Variants in ASB1 observed in about 807,000 individuals in gnomAD.
The protein encoded by ASB1 is ankyrin repeat and SOCS box containing 1.
A neutral mutation model predicts 27.7 loss-of-function variants in ASB1; 18 were observed. That is an observed-to-expected ratio of 0.65 (90% confidence interval 0.45 to 0.96). The LOEUF is 0.96. ASB1 is among the 50% of genes least tolerant of loss of function. The pLI is 0.00. For missense variants in ASB1, 397 were observed against 451.7 expected, an observed-to-expected ratio of 0.88 and a Z score of 1.10; for synonymous variants, 189 against 187.6, an observed-to-expected ratio of 1.01 and a Z score of -0.06.
intron 3 of ASB1, among the ~76,000 whole-genome samples, chr2:238,436,956 A>G (rs914992659): frequency 3.3e-5 from 5 of 152,182 alleles, no homozygotes; most frequent in African/African-American, 4.8e-5. Context: ...CTCTATCAAA[A>G]CAAGAGTACT....
intron 3 of ASB1, among the ~76,000 whole-genome samples, chr2:238,436,774 C>CT (rs66960467): frequency 3.5e-4 from 51 of 147,070 alleles, no homozygotes; most frequent in African/African-American, 7.2e-4. Flanking sequence ...CTCTCTCTCT[C>CT]TTTTTTTTTT....
intron 3 of ASB1, among the ~76,000 whole-genome samples, chr2:238,438,261 G>A (rs1376740440): frequency 2.9e-5 from 4 of 140,176 alleles, no homozygotes; most frequent in African/African-American, 8.0e-5. Context: ...GTGCAGTGGC[G>A]CTATCTCGGT....
chr2:238,430,790 A>G (rs1041716290), intron 1 of ASB1, among the ~76,000 whole-genome samples: 15 of 152,380 alleles, frequency 9.8e-5, no homozygotes, highest in Admixed American at 9.1e-4. Context: ...TGAATCTTGT[A>G]CATCTCCATG....
chr2:238,444,301 C>A lies in ASB1; in HGVS notation c.495-41C>A. 3 of 1,556,866 alleles carry A rather than the reference C, an allele frequency of 1.9e-6. No homozygotes were observed. In the South Asian group the frequency reaches 3.7e-5, roughly 19 times the overall value. On this transcript the variant is annotated intron_variant, in intron 3 of 4. Transcript: ENST00000264607. ...ATCTGTGGGATCTGTGGGCTGTGGT[C>A]AGTCCCCTGCACAGTCTGACTTTCC... is the stretch of plus-strand genomic sequence containing the variant.
In ASB1 at chr2:238,427,069, C is replaced by T. The variant is rs1701769046; in HGVS notation, c.-2C>T. On this transcript the variant is annotated 5_prime_UTR_variant, in exon 1 of 5. Coordinates refer to ENST00000264607, the MANE Select transcript of ASB1 (RefSeq NM_001040445.3). ...GGGGCGGCCGCGGAGGCGGAAGCATCCATGGCGGAGGGCGGCAGCCCAGAC... is the reference window on the plus strand; with the variant it reads ...GGGGCGGCCGCGGAGGCGGAAGCATTCATGGCGGAGGGCGGCAGCCCAGAC... 4.7e-6 allele frequency: 6 copies of T among 1,263,406 alleles called. No individual in the cohort carries two copies. The highest frequency in any genetic ancestry group is 5.0e-6 in the Non-Finnish European group (5 of 1,005,450). 78.3% of individuals were successfully genotyped at this position (1,263,406 alleles called of 1,614,324 possible). A position where few individuals can be genotyped will look rare whatever the true frequency, so the allele number is the denominator to read the frequency against.
At chr2:238,441,767 A>G (rs1001052652) in intron 3 of ASB1, among the ~76,000 whole-genome samples, 12 of 152,184 alleles carry the variant, frequency 7.9e-5, no homozygotes, top group African/African-American at 2.7e-4. Context: ...GCTGTTAGGG[A>G]TGGTGCTTTA....
intron 3 of ASB1, among the ~76,000 whole-genome samples, chr2:238,442,881 G>A (rs1301253816): frequency 6.6e-6 from 1 of 152,112 alleles, no homozygotes; most frequent in South Asian, 2.1e-4. Context: ...AAGATTTTCT[G>A]TAAAGTTCCA....
chr2:238,435,870 G>A lies in ASB1; in HGVS notation c.351G>A (p.Val117=), dbSNP rs1167910867. ...TAAAAGGACAGACGGCCCTGTATGTGGCTGTGGTGAACGGGCACCTAGAGA... is the reference window on the plus strand; with the variant it reads ...TAAAAGGACAGACGGCCCTGTATGTAGCTGTGGTGAACGGGCACCTAGAGA... The part of the protein sequence containing the change: ...VDVKGQTALY[V]AVVNGHLEST... The change falls in exon 3 of 5, where the codon GTG becomes GTA. Residue 117 remains valine (V), a synonymous_variant. Coordinates refer to ENST00000264607, the MANE Select transcript of ASB1 (RefSeq NM_001040445.3). The A allele has an allele frequency of 6.2e-7, 1 of 1,614,260 alleles. No homozygotes were observed. The highest frequency in any genetic ancestry group is 1.7e-5 in the Admixed American group (1 of 60,038).
At chr2:238,433,812 G>GT (rs1423364554) in intron 2 of ASB1, 117 bp downstream of exon 2, 1 of 1,239,322 alleles carries the variant, frequency 8.1e-7, no homozygotes, top group African/African-American at 1.5e-5. Flanking sequence ...ATGTGTTCCA[G>GT]TTTTAGAGGA....
At chr2:238,438,301 A>G (rs900307826) in intron 3 of ASB1, among the ~76,000 whole-genome samples, 3 of 142,508 alleles carry the variant, frequency 2.1e-5, no homozygotes, top group African/African-American at 5.2e-5. Flanking sequence ...CAGGGTTCAC[A>G]CCATTCTCCT....
intron 3 of ASB1, among the ~76,000 whole-genome samples, chr2:238,440,270 A>G (rs2106407642): frequency 6.6e-6 from 1 of 152,304 alleles, no homozygotes; most frequent in South Asian, 2.1e-4. Flanking sequence ...CTTTTGGGGT[A>G]TCACTGTTTT....
intron 3 of ASB1, among the ~76,000 whole-genome samples, chr2:238,440,861 T>G (rs1376084014): frequency 1.3e-5 from 2 of 152,214 alleles, no homozygotes; most frequent in African/African-American, 4.8e-5. Flanking sequence ...TTTCCTCCCA[T>G]CGGGCTGTCA....
chr2:238,443,816 T>C (rs1377979992), intron 3 of ASB1, among the ~76,000 whole-genome samples: 1 of 152,212 alleles, frequency 6.6e-6, no homozygotes, highest in Non-Finnish European at 1.5e-5. Flanking sequence ...TGGATTATAT[T>C]AATAGAGTTT....
At chr2:238,438,548 C>G (rs970221610) in intron 3 of ASB1, among the ~76,000 whole-genome samples, 8 of 152,336 alleles carry the variant, frequency 5.3e-5, no homozygotes, top group Middle Eastern at 6.8e-3. Flanking sequence ...TACTCCCTCA[C>G]TGGAGCACGG....
Position 238,443,584 on chromosome 2 carries a change from G to T in ASB1, c.495-758G>T, listed in dbSNP as rs115048864. On this transcript the variant is annotated intron_variant, in intron 3 of 4. Coordinates refer to ENST00000264607, the MANE Select transcript of ASB1 (RefSeq NM_001040445.3). ...GAAAGCAGGAGTCTGTCTTGCTCCAGCTTTGGCCGGAGTGCTTCTAGCCTT... is the reference window on the plus strand; with the variant it reads ...GAAAGCAGGAGTCTGTCTTGCTCCATCTTTGGCCGGAGTGCTTCTAGCCTT... 3.7e-3 allele frequency among the ~76,000 whole-genome samples: 568 copies of T among 152,334 alleles called. 2 individuals are homozygous for T. The highest frequency in any genetic ancestry group is 0.013 in the African/African-American group (535 of 41,564).
rs1430338559 is a variant in ASB1, at chr2:238,450,820, T to C, written c.*4309T>C. The C allele has an allele frequency of 1.3e-5, 2 of 152,246 alleles. No individual in the cohort carries two copies. The highest frequency in any genetic ancestry group is 2.4e-5 in the African/African-American group (1 of 41,404). The allele number at this position is 152,246 out of a possible 1,614,324, so 9.4% of individuals were successfully genotyped here. ...CCCTGTATGTTGGTGATGACACTAG[T>C]GTGGGTCTTCTGGCTCTGGGGCTAC... On this transcript the variant is annotated 3_prime_UTR_variant, in exon 5 of 5. Transcript: ENST00000264607.
chr2:238,433,986 G>A (rs1237228253), intron 2 of ASB1, among the ~76,000 whole-genome samples: 1 of 152,172 alleles, frequency 6.6e-6, no homozygotes, highest in African/African-American at 2.4e-5. Flanking sequence ...CACTCCTGAA[G>A]GTACCACTGT....
At chr2:238,433,069 G>A (rs1701900795) in intron 1 of ASB1, among the ~76,000 whole-genome samples, 1 of 151,772 alleles carries the variant, frequency 6.6e-6, no homozygotes, top group African/African-American at 2.4e-5. Context: ...TTTTCTTTAG[G>A]ATCTTGCATC....
chr2:238,452,245 C>T lies in ASB1; in HGVS notation c.*5734C>T, dbSNP rs1702300460. 1 of 152,224 alleles carries T rather than the reference C, an allele frequency of 6.6e-6. No homozygotes were observed. The highest frequency in any genetic ancestry group is 1.5e-5 in the Non-Finnish European group (1 of 68,052). 9.4% of individuals were successfully genotyped at this position (152,224 alleles called of 1,614,324 possible). A position where few individuals can be genotyped will look rare whatever the true frequency, so the allele number is the denominator to read the frequency against. ...TAAATAAAGACATGCATCCATCTGTCAGCGACTCCTTGTGTGTTCTGCCTC... is the reference window on the plus strand; with the variant it reads ...TAAATAAAGACATGCATCCATCTGTTAGCGACTCCTTGTGTGTTCTGCCTC... On this transcript the variant is annotated 3_prime_UTR_variant, in exon 5 of 5. Transcript: ENST00000264607.
Sources: allele counts gnomAD v4.1 joint callset (sites outside exome capture counted in the v4.1 genomes callset), GRCh38; gene constraint gnomAD v4.1.1; transcripts MANE v1.5; gene names NCBI Gene and HGNC (gene_info 2026-07-23, HGNC 2026-07-21).